NEK10: variants seen among roughly 807,000 people sequenced by gnomAD.
The protein encoded by NEK10 is serine/threonine-protein kinase Nek10.
In NEK10, 122 loss-of-function variants were observed where a neutral mutation model predicts 159.8. The ratio of observed to expected loss-of-function variants is 0.76; its 90% CI spans 0.66 to 0.89. The LOEUF is 0.89. Ranked by LOEUF, NEK10 falls within the 40% of genes least tolerant of loss-of-function variation. The pLI, the probability that NEK10 is intolerant of heterozygous loss-of-function variation, is 0.00. For synonymous variants in NEK10, 466 were observed against 457.1 expected (o/e 1.02, Z -0.25); for missense variants, 1,342 against 1,323.1 (o/e 1.01, Z -0.22).
intron 23 of NEK10, among the ~76,000 whole-genome samples, chr3:27,209,954 C>T (rs1950862287): frequency 6.6e-6 from 1 of 151,388 alleles, no homozygotes; most frequent in South Asian, 2.1e-4. Flanking sequence ...CTGAGCCCAC[C>T]CCCACCCCAC....
intron 25 of NEK10, among the ~76,000 whole-genome samples, chr3:27,197,330 C>T (rs1949646368): frequency 2.6e-5 from 4 of 152,010 alleles, no homozygotes; most frequent in Admixed American, 1.3e-4. Context: ...CGCACACCAC[C>T]AGGCCTGGCT....
At chr3:27,350,316 A>G (rs2047878663) in intron 3 of NEK10, among the ~76,000 whole-genome samples, 1 of 152,134 alleles carries the variant, frequency 6.6e-6, no homozygotes, top group African/African-American at 2.4e-5. Context: ...AATGTATGAC[A>G]ACCTATCACA....
chr3:27,353,406 A>G (rs910389583), intron 1 of NEK10, among the ~76,000 whole-genome samples: 1 of 152,164 alleles, frequency 6.6e-6, no homozygotes, highest in African/African-American at 2.4e-5. Context: ...GTCTTATAAT[A>G]GCATGCTTCA....
intron 25 of NEK10, among the ~76,000 whole-genome samples, chr3:27,199,679 T>G (rs555240027): frequency 6.6e-6 from 1 of 152,280 alleles, no homozygotes; most frequent in South Asian, 2.1e-4. Context: ...TGCAGCACTA[T>G]TCACAATAGC....
At position 27,234,105 on chromosome 3, in the gene NEK10, T is replaced by C. The variant is rs544922990; in HGVS notation, c.2090+22191A>G. On this transcript the variant is annotated intron_variant, in intron 23 of 35. Transcript: ENST00000691995. ...GCTAAAATCTCTCAATAAACTGGTA[T>C]TGAAGAAACACACCTCAAAATAGTA... Among the ~76,000 whole-genome samples, 241 of 152,208 alleles carry C rather than the reference T, an allele frequency of 1.6e-3. 1 individual carries two copies. Among genetic ancestry groups the C allele is most frequent in the Admixed American group, 2.9e-3 (44 of 15,270 alleles).
intron 23 of NEK10, among the ~76,000 whole-genome samples, chr3:27,241,208 A>AT (rs909439953): frequency 2.0e-5 from 3 of 152,030 alleles, no homozygotes; most frequent in Non-Finnish European, 4.4e-5. Context: ...GAAAAATAAG[A>AT]TTTTTTCAGA....
intron 25 of NEK10, among the ~76,000 whole-genome samples, chr3:27,195,258 G>C (rs1949464799): frequency 6.6e-6 from 1 of 152,202 alleles, no homozygotes; most frequent in African/African-American, 2.4e-5. Context: ...ATCTTTTGCT[G>C]AGTCATAAAT....
At chr3:27,273,064 G>GT in intron 22 of NEK10, among the ~76,000 whole-genome samples, 1 of 152,262 alleles carries the variant, frequency 6.6e-6, no homozygotes, top group South Asian at 2.1e-4. Context: ...CATTATCTAG[G>GT]TAAGAGGAGA....
At chr3:27,294,131 A>G (rs1042823467) in intron 15 of NEK10, among the ~76,000 whole-genome samples, 10 of 152,234 alleles carry the variant, frequency 6.6e-5, no homozygotes, top group African/African-American at 2.4e-4. Flanking sequence ...TCTCTTGAGT[A>G]AAGAGTCTTA....
At chr3:27,346,788 C>T (rs1429020543) in intron 3 of NEK10, among the ~76,000 whole-genome samples, 1 of 152,204 alleles carries the variant, frequency 6.6e-6, no homozygotes, top group Middle Eastern at 3.2e-3. Flanking sequence ...GATTCTACCA[C>T]TTTTAATCAG....
intron 13 of NEK10, among the ~76,000 whole-genome samples, chr3:27,299,686 G>A (rs986562060): frequency 4.6e-5 from 7 of 152,218 alleles, no homozygotes; most frequent in Admixed American, 2.0e-4. Context: ...ATAGCCACAG[G>A]GGCGGAGCTG....
rs1338020568 is a variant in NEK10, at chr3:27,350,561, G to A, written c.132+1904C>T. On this transcript the variant is annotated intron_variant, in intron 3 of 35. Transcript: ENST00000691995. ...CCTAAGGATCTTCATTAAATTGACA[G>A]TATTTTTATTTTTTTAGCACCATCT... Among the ~76,000 whole-genome samples the A allele has an allele frequency of 3.9e-5, 6 of 152,018 alleles. No individual in the cohort carries two copies. The East Asian group carries it at 1.2e-3, about 29-fold the overall frequency.
chr3:27,157,864 G>T (rs1021762795), intron 30 of NEK10, among the ~76,000 whole-genome samples: 2 of 152,168 alleles, frequency 1.3e-5, no homozygotes, highest in African/African-American at 4.8e-5. Context: ...TCAATCTGCA[G>T]CCACCTACAT....
chr3:27,271,821 C>T (rs1268447845), intron 22 of NEK10, among the ~76,000 whole-genome samples: 1 of 151,218 alleles, frequency 6.6e-6, no homozygotes, highest in Non-Finnish European at 1.5e-5. Context: ...TTCAAAATGA[C>T]AATAGAAAAC....
At chr3:27,365,478 C>A (rs2048986826) in intron 1 of NEK10, among the ~76,000 whole-genome samples, 1 of 151,808 alleles carries the variant, frequency 6.6e-6, no homozygotes, top group Non-Finnish European at 1.5e-5. Flanking sequence ...ATGACCATGG[C>A]AGATTTTAGC....
chr3:27,179,696 T>C (rs1947873913), intron 26 of NEK10, among the ~76,000 whole-genome samples: 1 of 152,230 alleles, frequency 6.6e-6, no homozygotes, highest in East Asian at 1.9e-4. Context: ...GACAGCAGAC[T>C]AACATGCCAA....
In NEK10 at chr3:27,326,992, A is replaced by G. The variant is rs9829247; in HGVS notation, c.363-4731T>C. 7.6e-3 allele frequency among the ~76,000 whole-genome samples: 1,159 copies of G among 152,332 alleles called. 17 individuals are homozygous for G. The highest frequency in any genetic ancestry group is 0.027 in the African/African-American group (1,107 of 41,568). On this transcript the variant is annotated intron_variant, in intron 5 of 35. Transcript: ENST00000691995. ...GCCACCAGCTGAGGGACTAGGAAAC[A>G]CACAGCTTAGTGCAACTGGAGAATT...
intron 5 of NEK10, among the ~76,000 whole-genome samples, chr3:27,332,932 C>G (rs1045854804): frequency 2.6e-5 from 4 of 152,178 alleles, no homozygotes; most frequent in African/African-American, 9.7e-5. Flanking sequence ...TCTTGCCACA[C>G]CTTGAGATTC....
At chr3:27,164,757 T>C (rs1372376090) in intron 29 of NEK10, among the ~76,000 whole-genome samples, 2 of 152,166 alleles carry the variant, frequency 1.3e-5, no homozygotes, top group African/African-American at 4.8e-5. Flanking sequence ...ACCTCCTGAA[T>C]CCCACTCTCT....
Sources: gnomAD v4.1 joint callset for allele counts (sites outside exome capture counted in the v4.1 genomes callset) on GRCh38, gnomAD v4.1.1 for gene constraint, MANE v1.5 for transcripts, NCBI Gene and HGNC (gene_info 2026-07-23, HGNC 2026-07-21) for gene names.